Variants in RAB3IL1 observed in about 807,000 individuals in gnomAD.
RAB3IL1 encodes RAB3A interacting protein like 1, also known as guanine nucleotide exchange factor for Rab-3A.
RAB3IL1 carries 37 observed loss-of-function variants against 49.2 expected under a neutral mutation model. The ratio of observed to expected loss-of-function variants is 0.75; its 90% CI spans 0.58 to 0.99. The LOEUF is 0.99. Among genes scored for constraint, RAB3IL1 ranks in the 50% least tolerant of loss-of-function variants. RAB3IL1 has a pLI of 0.00. For synonymous variants in RAB3IL1, 193 were observed against 213.9 expected, an observed-to-expected ratio of 0.90 and a Z score of 0.85; for missense variants, 484 against 513.0, an observed-to-expected ratio of 0.94 and a Z score of 0.55.
chr11:61,941,193 CA>C, the RAB3IL1 span, among the ~76,000 whole-genome samples: 1 of 151,942 alleles, frequency 6.6e-6, no homozygotes, highest in Non-Finnish European at 1.5e-5. Flanking sequence ...TGTATGACAA[CA>C]AACTAGATAA....
At chr11:61,919,817 AG>A (rs1258535298), upstream of RAB3IL1, among the ~76,000 whole-genome samples, 1 of 152,200 alleles carries the variant, frequency 6.6e-6, no homozygotes, top group Non-Finnish European at 1.5e-5. Flanking sequence ...TGGACAACCC[AG>A]GCCCTGATTC....
At chr11:61,917,694 C>T (rs1452338259), upstream of RAB3IL1, 1 of 475,496 alleles carries the variant, frequency 2.1e-6, no homozygotes, top group African/African-American at 2.1e-5. Context: ...ACAGGGAGAC[C>T]ACGGCGCTCG....
At chr11:61,900,375 C>T (rs542608875) in intron 8 of RAB3IL1, among the ~76,000 whole-genome samples, 20 of 152,354 alleles carry the variant, frequency 1.3e-4, no homozygotes, top group African/African-American at 4.1e-4. Context: ...GTCCAACACT[C>T]CTGGGGAGGG....
rs1470771899 is a variant in RAB3IL1, at chr11:61,907,397, C to T, written c.434G>A (p.Gly145Asp). ...GCAGGCGGGGATGGGCCTCACCTTG[C>T]CCCGAGCCTCCTTCAGCTGCTTTTC... ...ASEKQLKEAR[G>D]KIDMLQAEVT... The change falls in exon 4 of 10, where the codon GGC (glycine) becomes GAC (aspartate). Residue 145 changes from glycine (G) to aspartate (D), a missense_variant. By Grantham distance (94) the Gly-to-Asp change is moderately conservative. Transcript: ENST00000394836. The T allele has an allele frequency of 6.2e-7, 1 of 1,613,456 alleles. No homozygotes were observed. Among genetic ancestry groups the T allele is most frequent in the East Asian group, 2.2e-5 (1 of 44,876 alleles).
intron 2 of RAB3IL1, 137 bp downstream of exon 2, chr11:61,907,917 G>T: frequency 1.5e-6 from 2 of 1,347,180 alleles, no homozygotes; most frequent in Non-Finnish European, 2.0e-6. Context: ...CCCAGTACAG[G>T]CCTGGCCAGC....
chr11:61,940,680 C>A, the RAB3IL1 span, among the ~76,000 whole-genome samples: 1 of 151,322 alleles, frequency 6.6e-6, no homozygotes, highest in Non-Finnish European at 1.5e-5. Flanking sequence ...CCCAGCACTT[C>A]GGGAAGACGA....
rs1353842876 is a variant in RAB3IL1, at chr11:61,899,554, TGCTGTAATAGCAGCAGCAGCAGCA to T, written c.1000-198_1000-175del. The T allele has an allele frequency of 4.0e-4, 238 of 601,552 alleles. 2 individuals carry two copies. Among genetic ancestry groups the T allele is most frequent in the South Asian group, 3.6e-3 (182 of 50,418 alleles). 37.3% of individuals were successfully genotyped at this position (601,552 alleles called of 1,614,324 possible). A position where few individuals can be genotyped will look rare whatever the true frequency, so the allele number is the denominator to read the frequency against. ...TAATCAACAACAGCATGACTAGCCCTGCTGTAATAGCAGCAGCAGCAGCAGCAGCCATTTCATCAAGCGCCTGCA... is the reference window on the plus strand; with the variant it reads ...TAATCAACAACAGCATGACTAGCCCTGCAGCCATTTCATCAAGCGCCTGCA... On this transcript the variant is annotated intron_variant, in intron 8 of 9. Transcript: ENST00000394836.
upstream of RAB3IL1, among the ~76,000 whole-genome samples, chr11:61,919,445 T>C (rs897603367): frequency 6.6e-6 from 1 of 152,162 alleles, no homozygotes; most frequent in African/African-American, 2.4e-5. Flanking sequence ...TCAGCTGAAC[T>C]TGCTCCTCAG....
At chr11:61,909,814 C>T (rs900992082) in intron 1 of RAB3IL1, among the ~76,000 whole-genome samples, 5 of 152,220 alleles carry the variant, frequency 3.3e-5, no homozygotes, top group Non-Finnish European at 5.9e-5. Flanking sequence ...CTTTAAAATT[C>T]TCTCAACAGC....
At position 61,917,533 on chromosome 11, in the gene RAB3IL1, C is replaced by T. The variant is rs1160745923; in HGVS notation, c.-166G>A. ...CTCAGACGCCTGGGCTCGCGGCCCC[C>T]AGCCCAGCCCCGACCCTGCCCTGGG... On this transcript the variant is annotated 5_prime_UTR_variant, in exon 1 of 10. Coordinates refer to ENST00000394836, the MANE Select transcript of RAB3IL1 (RefSeq NM_013401.4). 9 of 1,113,126 alleles carry T rather than the reference C, an allele frequency of 8.1e-6. No homozygotes were observed. The highest frequency in any genetic ancestry group is 5.0e-5 in the Admixed American group (1 of 19,882). 69.0% of individuals were successfully genotyped at this position (1,113,126 alleles called of 1,614,324 possible).
intron 7 of RAB3IL1, among the ~76,000 whole-genome samples, chr11:61,903,189 C>T (rs540622336): frequency 6.6e-6 from 1 of 151,962 alleles, no homozygotes; most frequent in Non-Finnish European, 1.5e-5. Context: ...CTGCTCGGCT[C>T]TCTCCTCCTC....
At chr11:61,907,296 G>A (rs952691048) in intron 4 of RAB3IL1, 97 bp downstream of exon 4, 5 of 1,328,860 alleles carry the variant, frequency 3.8e-6, no homozygotes, top group Non-Finnish European at 5.3e-6. Context: ...CACCGGGCCA[G>A]GTGAGCGTCC....
intron 7 of RAB3IL1, among the ~76,000 whole-genome samples, chr11:61,903,063 C>G (rs761505913): frequency 6.6e-6 from 1 of 152,136 alleles, no homozygotes; most frequent in Non-Finnish European, 1.5e-5. Context: ...CTCCTCCCCC[C>G]AGTCCTGCAT....
the RAB3IL1 span, among the ~76,000 whole-genome samples, chr11:61,939,032 A>T: frequency 6.6e-6 from 1 of 152,068 alleles, no homozygotes; most frequent in South Asian, 2.1e-4. Flanking sequence ...CTAGATAAGG[A>T]CATAGAAGAC....
At chr11:61,928,481 A>G in the RAB3IL1 span, among the ~76,000 whole-genome samples, 1 of 139,060 alleles carries the variant, frequency 7.2e-6, no homozygotes, top group Non-Finnish European at 1.6e-5. Flanking sequence ...CAGAATACAC[A>G]GAGCTAGGAC....
At chr11:61,920,101 G>C, upstream of RAB3IL1, 1 of 1,337,788 alleles carries the variant, frequency 7.5e-7, no homozygotes, top group South Asian at 1.9e-5. Context: ...CAGGCCTGAT[G>C]GGGCGTAGCG....
At position 61,906,454 on chromosome 11, in the gene RAB3IL1, TC is replaced by T. The variant is rs1939187022; in HGVS notation, c.657+11del. 1 of 1,540,412 alleles carries T rather than the reference TC, an allele frequency of 6.5e-7. No homozygotes were observed. ...CCCTTCCCCGTGCCCAGAGCCCGCT[TC>T]CCACCCTCACCTCCTTGCCCTCTCT... On this transcript the variant is annotated intron_variant, in intron 5 of 9. Coordinates refer to ENST00000394836, the MANE Select transcript of RAB3IL1 (RefSeq NM_013401.4). This position sits in a 1 kb window ranked among gnomAD's most constrained non-coding sequence, Gnocchi z 4.6.
the RAB3IL1 span, among the ~76,000 whole-genome samples, chr11:61,930,913 G>A: frequency 6.6e-6 from 1 of 152,160 alleles, no homozygotes; most frequent in Non-Finnish European, 1.5e-5. Flanking sequence ...AAATTAATAT[G>A]TGCCTAATAA....
chr11:61,907,533 C>G, intron 3 of RAB3IL1, 32 bp downstream of exon 3: 1 of 1,613,828 alleles, frequency 6.2e-7, no homozygotes, highest in South Asian at 1.1e-5. Context: ...ATGACCCATT[C>G]CCCAAGTTGT....
Sources: allele counts gnomAD v4.1 joint callset (sites outside exome capture counted in the v4.1 genomes callset), GRCh38; gene constraint gnomAD v4.1.1; non-coding constraint Gnocchi (gnomAD v3.1); transcripts MANE v1.5; gene names NCBI Gene and HGNC (gene_info 2026-07-23, HGNC 2026-07-21).